FGF14: variants seen among roughly 807,000 people sequenced by gnomAD.
The protein encoded by FGF14 is fibroblast growth factor 14, also known as fibroblast growth factor homologous factor 4.
In FGF14, 5 loss-of-function variants were observed where a neutral mutation model predicts 25.5. That is an observed-to-expected ratio of 0.20 (90% confidence interval 0.10 to 0.41). The LOEUF is 0.41. Ranked by LOEUF, FGF14 falls within the 10% of genes least tolerant of loss-of-function variation. The pLI is 1.00. For missense variants in FGF14, 222 were observed against 320.1 expected (o/e 0.69, Z 2.34); for synonymous variants, 138 against 118.3 (o/e 1.17, Z -1.08).
At chr13:101,968,716 T>C (rs1195662027) in intron 1 of FGF14, among the ~76,000 whole-genome samples, 1 of 151,408 alleles carries the variant, frequency 6.6e-6, no homozygotes, top group African/African-American at 2.4e-5. Flanking sequence ...TTCCTGTATT[T>C]TATACTTAAG....
At chr13:102,242,511 A>C (rs2051652348) in intron 1 of FGF14, among the ~76,000 whole-genome samples, 1 of 152,074 alleles carries the variant, frequency 6.6e-6, no homozygotes, top group Non-Finnish European at 1.5e-5. Context: ...AGAGCAAGAG[A>C]GATAGAGAGA....
intron 1 of FGF14, among the ~76,000 whole-genome samples, chr13:101,962,742 G>A (rs1329986710): frequency 6.6e-6 from 1 of 152,050 alleles, no homozygotes; most frequent in East Asian, 1.9e-4. Flanking sequence ...TATGCAACAT[G>A]TTTATTTTTA....
At chr13:101,990,612 T>G (rs551179186) in intron 1 of FGF14, among the ~76,000 whole-genome samples, 1 of 152,222 alleles carries the variant, frequency 6.6e-6, no homozygotes, top group Admixed American at 6.5e-5. Context: ...GATGGCCATC[T>G]CTAGCACTGC....
chr13:102,384,709 A>C (rs1283610058), intron 1 of FGF14, among the ~76,000 whole-genome samples: 1 of 152,202 alleles, frequency 6.6e-6, no homozygotes, highest in African/African-American at 2.4e-5. Context: ...TTACAGATAC[A>C]TGCCACAGTC....
At chr13:102,160,469 C>G (rs953932097) in intron 1 of FGF14, among the ~76,000 whole-genome samples, 2 of 152,154 alleles carry the variant, frequency 1.3e-5, no homozygotes, top group East Asian at 3.8e-4. Context: ...CTCACACACC[C>G]GGCTCTCTGC....
chr13:102,298,712 AT>A (rs1462795945), intron 1 of FGF14, among the ~76,000 whole-genome samples: 1 of 152,158 alleles, frequency 6.6e-6, no homozygotes, highest in Non-Finnish European at 1.5e-5. Context: ...TAAGAAGCAG[AT>A]TAGTTAAGTG....
At chr13:102,065,703 T>C (rs1026326317) in intron 1 of FGF14, among the ~76,000 whole-genome samples, 4 of 151,998 alleles carry the variant, frequency 2.6e-5, no homozygotes, top group African/African-American at 9.7e-5. Context: ...CAACCAAACA[T>C]GGACAGTTAA....
chr13:102,063,719 A>C (rs928992448), intron 1 of FGF14, among the ~76,000 whole-genome samples: 1 of 152,220 alleles, frequency 6.6e-6, no homozygotes, highest in African/African-American at 2.4e-5. Flanking sequence ...ATCTGAAGAT[A>C]CAGGTAATGC....
At chr13:101,781,468 A>G (rs1282494433) in intron 3 of FGF14, among the ~76,000 whole-genome samples, 2 of 152,184 alleles carry the variant, frequency 1.3e-5, no homozygotes, top group African/African-American at 4.8e-5. Context: ...GTAGACTTTC[A>G]ATTGTTGCAT....
At chr13:101,786,745 G>A (rs1304057392) in intron 3 of FGF14, among the ~76,000 whole-genome samples, 1 of 152,118 alleles carries the variant, frequency 6.6e-6, no homozygotes, top group African/African-American at 2.4e-5. Flanking sequence ...AAAAATTTGG[G>A]GGAAGGAGGC....
At chr13:101,910,853 T>A (rs1446792809) in intron 1 of FGF14, among the ~76,000 whole-genome samples, 1 of 130,604 alleles carries the variant, frequency 7.7e-6, no homozygotes, top group African/African-American at 3.4e-5. Flanking sequence ...TGTGTGTGTG[T>A]GTGTGTGTGT....
chr13:101,946,780 G>A (rs1358640171), intron 1 of FGF14, among the ~76,000 whole-genome samples: 1 of 152,220 alleles, frequency 6.6e-6, no homozygotes, highest in Non-Finnish European at 1.5e-5. Flanking sequence ...CAAGGCTGAT[G>A]TTAAGTCTGT....
chr13:101,828,472 CTT>C (rs59346051), intron 3 of FGF14, among the ~76,000 whole-genome samples: 19 of 141,100 alleles, frequency 1.3e-4, no homozygotes, highest in South Asian at 4.5e-4. Context: ...AAATAAAAGA[CTT>C]TTTTTTTTTT....
intron 3 of FGF14, among the ~76,000 whole-genome samples, chr13:101,742,845 C>T (rs752389297): frequency 1.1e-4 from 16 of 152,050 alleles, no homozygotes; most frequent in Non-Finnish European, 8.8e-5. Context: ...GTGGACAGGC[C>T]GAACTCAAAG....
At chr13:102,119,588 C>T (rs1440473528) in intron 1 of FGF14, among the ~76,000 whole-genome samples, 1 of 152,180 alleles carries the variant, frequency 6.6e-6, no homozygotes, top group Non-Finnish European at 1.5e-5. Flanking sequence ...ATGATGTCTG[C>T]AGCTTCCCTT....
chr13:102,046,835 T>C (rs908076632), intron 1 of FGF14, among the ~76,000 whole-genome samples: 3 of 152,186 alleles, frequency 2.0e-5, no homozygotes, highest in Non-Finnish European at 2.9e-5. Flanking sequence ...AATTTCTACA[T>C]TGATAATTTA....
chr13:102,219,466 A>C (rs941022999), intron 1 of FGF14, among the ~76,000 whole-genome samples: 1 of 152,196 alleles, frequency 6.6e-6, no homozygotes, highest in African/African-American at 2.4e-5. Context: ...ATATCTTGCT[A>C]AAGTTAGTTG....
intron 1 of FGF14, among the ~76,000 whole-genome samples, chr13:102,124,968 A>G (rs2045892216): frequency 6.6e-6 from 1 of 152,066 alleles, no homozygotes; most frequent in African/African-American, 2.4e-5. Context: ...ACATACCTCA[A>G]TTTCTCCAGG....
At chr13:101,723,746 A>G (rs1279146000) in intron 4 of FGF14, among the ~76,000 whole-genome samples, 4 of 152,108 alleles carry the variant, frequency 2.6e-5, no homozygotes, top group Admixed American at 2.0e-4. Context: ...TGGCATAATC[A>G]TAGTAGTTCA....
Sources: gnomAD v4.1 joint callset for allele counts (sites outside exome capture counted in the v4.1 genomes callset) on GRCh38, gnomAD v4.1.1 for gene constraint, MANE v1.5 for transcripts, NCBI Gene and HGNC (gene_info 2026-07-23, HGNC 2026-07-21) for gene names.